TMEM63B: variants seen among roughly 807,000 people sequenced by gnomAD.
TMEM63B encodes transmembrane protein 63B.
In TMEM63B, 23 loss-of-function variants were observed where a neutral mutation model predicts 102.6. The observed-to-expected ratio is 0.22, with a 90% CI of 0.16 to 0.32. The LOEUF (loss-of-function observed/expected upper bound fraction) is 0.32, where lower values mean the gene tolerates loss of function less well. Ranked by LOEUF, TMEM63B falls within the 10% of genes least tolerant of loss-of-function variation. TMEM63B has a pLI of 1.00. For missense variants in TMEM63B, 628 were observed against 1,095.9 expected (o/e 0.57, Z 6.03); for synonymous variants, 444 against 437.0 (o/e 1.02, Z -0.20).
At chr6:44,140,640 G>T (rs1157622234) in intron 9 of TMEM63B, 26 of 586,108 alleles carry the variant, frequency 4.4e-5, no homozygotes, top group Non-Finnish European at 7.7e-5. Context: ...CTGATCCTAG[G>T]ATAGTAATAT....
At position 44,152,078 on chromosome 6, in the gene TMEM63B, C is replaced by T. The variant is rs905594156; in HGVS notation, c.1836+70C>T. 4.6e-6 allele frequency: 7 copies of T among 1,508,584 alleles called. No individual in the cohort carries two copies. Among genetic ancestry groups the T allele is most frequent in the Admixed American group, 4.8e-5 (2 of 41,980 alleles). 93.4% of individuals were successfully genotyped at this position (1,508,584 alleles called of 1,614,324 possible). On this transcript the variant is annotated intron_variant, in intron 19 of 23. Coordinates refer to ENST00000323267, the MANE Select transcript of TMEM63B (RefSeq NM_018426.3). The surrounding 1 kb of genome is among the most constrained non-coding windows in gnomAD (Gnocchi z 6.4). ...TGGCCCAACAAGAAACAGCAGCCAT[C>T]GCGCTAGGGTTGAGGGGCACAGGAG...
At chr6:44,126,983 G>C (rs1562105299), upstream of TMEM63B, 1 of 152,290 alleles carries the variant, frequency 6.6e-6, no homozygotes, top group African/African-American at 2.4e-5. Flanking sequence ...GCGGAAAGCG[G>C]AGAAGCCGGA....
chr6:44,131,200 G>C (rs1324586452), intron 1 of TMEM63B, among the ~76,000 whole-genome samples: 2 of 152,044 alleles, frequency 1.3e-5, no homozygotes, highest in East Asian at 3.9e-4. Context: ...TTACAGGTGT[G>C]AGCCACCGTG....
intron 5 of TMEM63B, among the ~76,000 whole-genome samples, chr6:44,137,078 C>T (rs1306993748): frequency 6.6e-6 from 1 of 152,204 alleles, no homozygotes; most frequent in East Asian, 1.9e-4. Context: ...ATAAGCCCTC[C>T]AGCCCTGCCT....
intron 1 of TMEM63B, among the ~76,000 whole-genome samples, chr6:44,129,800 C>T (rs1777929033): frequency 6.6e-6 from 1 of 152,170 alleles, no homozygotes; most frequent in African/African-American, 2.4e-5. Flanking sequence ...ATAACTAATT[C>T]CTAGAGCCCA....
chr6:44,152,605 G>C lies in TMEM63B; in HGVS notation c.1849G>C (p.Glu617Gln). Reference sequence around the variant, plus strand: ...GTCTCCCCCCCAGCATCAGGCCTACGAGTTCCAGTTTGGCGCAGCCTACGC... The same window carrying C: ...GTCTCCCCCCCAGCATCAGGCCTACCAGTTCCAGTTTGGCGCAGCCTACGC... Reference protein sequence around the residue: ...RRNVKRHQAYEFQFGAAYAWM... With the variant: ...RRNVKRHQAYQFQFGAAYAWM... The change falls in exon 20 of 24, where the codon GAG becomes CAG. Residue 617 changes from glutamate (E) to glutamine (Q), a missense_variant. By Grantham distance (29) the Glu-to-Gln change is conservative. Coordinates refer to ENST00000323267, the MANE Select transcript of TMEM63B (RefSeq NM_018426.3). This position sits in a 1 kb window ranked among gnomAD's most constrained non-coding sequence, Gnocchi z 6.4. The C allele has an allele frequency of 6.2e-7, 1 of 1,608,076 alleles. No homozygotes were observed. Among genetic ancestry groups the C allele is most frequent in the African/African-American group, 1.3e-5 (1 of 74,814 alleles).
Position 44,134,555 on chromosome 6 carries a change from G to A in TMEM63B, c.-24-6G>A, listed in dbSNP as rs1268764502. On this transcript the variant is annotated splice_region_variant and splice_polypyrimidine_tract_variant and intron_variant, in intron 1 of 23. Transcript: ENST00000323267. ...AGCCCAGCTGACTGCTCCACCCTCT[G>A]CCCAGGAGGACCATGCGGCAGTAGC... is the stretch of plus-strand genomic sequence containing the variant. The A allele has an allele frequency of 6.2e-7, 1 of 1,610,696 alleles. No homozygotes were observed. Among genetic ancestry groups the A allele is most frequent in the East Asian group, 2.2e-5 (1 of 44,832 alleles).
chr6:44,152,800 G>T lies in TMEM63B; in HGVS notation c.1942+102G>T, dbSNP rs1582830042. 23 of 986,652 alleles carry T rather than the reference G, an allele frequency of 2.3e-5. No homozygotes were observed. Among genetic ancestry groups the T allele is most frequent in the East Asian group, 2.6e-5 (1 of 38,870 alleles). 61.1% of individuals were successfully genotyped at this position (986,652 alleles called of 1,614,324 possible). On this transcript the variant is annotated intron_variant, in intron 20 of 23. Transcript: ENST00000323267. The surrounding 1 kb of genome is among the most constrained non-coding windows in gnomAD (Gnocchi z 6.4). ...GGCCACCCCGAGTGGACAGGGCCCG[G>T]CTGGGAGACCGGCCCCTCGGGGCTC...
chr6:44,149,695 C>T (rs1766180687), intron 15 of TMEM63B, among the ~76,000 whole-genome samples, 164 bp from the exon 16 acceptor site: 2 of 152,154 alleles, frequency 1.3e-5, no homozygotes. Context: ...TACATATGGC[C>T]CTGGCCCCCA....
At position 44,153,671 on chromosome 6, in the gene TMEM63B, C is replaced by A. The variant is rs1767321467; in HGVS notation, c.1943-5C>A. On this transcript the variant is annotated splice_polypyrimidine_tract_variant and splice_region_variant and intron_variant, in intron 20 of 23. Transcript: ENST00000323267. Reference sequence around the variant, plus strand: ...CGAGGTCAGGGCCCATGTGGCTTCCCTTAGGGCTCATGTACATGCTGCTGA... The same window carrying A: ...CGAGGTCAGGGCCCATGTGGCTTCCATTAGGGCTCATGTACATGCTGCTGA... The A allele has an allele frequency of 6.2e-7, 1 of 1,613,044 alleles. No homozygotes were observed. The highest frequency in any genetic ancestry group is 1.3e-5 in the African/African-American group (1 of 74,928).
intron 23 of TMEM63B, 117 bp downstream of exon 23, chr6:44,154,562 G>C (rs1767622127): frequency 6.7e-7 from 1 of 1,486,410 alleles, no homozygotes; most frequent in African/African-American, 1.4e-5. Context: ...CGGGAAGAGA[G>C]CTGGTCTCCC....
chr6:44,144,878 A>G (rs1228530375), intron 10 of TMEM63B, among the ~76,000 whole-genome samples: 2 of 152,130 alleles, frequency 1.3e-5, no homozygotes, highest in Non-Finnish European at 2.9e-5. Context: ...GATTACAGGC[A>G]TGAGCCACTG....
intron 10 of TMEM63B, among the ~76,000 whole-genome samples, chr6:44,141,965 A>G (rs1282815290): frequency 6.6e-6 from 1 of 151,902 alleles, no homozygotes; most frequent in Non-Finnish European, 1.5e-5. Flanking sequence ...CTACCAAAAA[A>G]TACAAACTTA....
At position 44,148,558 on chromosome 6, in the gene TMEM63B, C is replaced by T; in HGVS notation, c.1167C>T (p.Cys389=). ...FNVCKCQGCT[C]RGEPRPSSCS... Reference sequence around the variant, plus strand: ...TGTGTAAATGCCAGGGCTGCACCTGCCGTGGGGAGCCACGCCCCTCATCCT... The same window carrying T: ...TGTGTAAATGCCAGGGCTGCACCTGTCGTGGGGAGCCACGCCCCTCATCCT... Residue 389 remains cysteine (C), a synonymous_variant, in exon 14 of 24, where the codon TGC becomes TGT. Transcript: ENST00000323267. This position sits in a 1 kb window ranked among gnomAD's most constrained non-coding sequence, Gnocchi z 5.1. 2 of 1,614,240 alleles carry T rather than the reference C, an allele frequency of 1.2e-6. No homozygotes were observed. Among genetic ancestry groups the T allele is most frequent in the Non-Finnish European group, 8.5e-7 (1 of 1,180,032 alleles).
At chr6:44,138,691 T>A in intron 6 of TMEM63B, 174 bp downstream of exon 6, 1 of 591,758 alleles carries the variant, frequency 1.7e-6, no homozygotes, top group Non-Finnish European at 3.0e-6. Context: ...TGCTGTACCC[T>A]GAACACTCAC....
rs773890282 is a variant in TMEM63B, at chr6:44,154,410, C to T, written c.2272C>T (p.Arg758Trp). ...TACTGTGGACCCCAGAAGCAATGGA[C>T]GGCCCCCCACTGCTGCTGCTGTCCC... ...TDTVDPRSNG[R>W]PPTAAAVPKS... is the part of the protein sequence containing the mutation. Residue 758 changes from arginine to tryptophan, a missense_variant, in exon 23 of 24, where the codon CGG becomes TGG. This residue lies in a region of TMEM63B where 129 missense variants were observed against 153.5 expected (regional missense o/e 0.84). Coordinates refer to ENST00000323267, the MANE Select transcript of TMEM63B (RefSeq NM_018426.3). The T allele has an allele frequency of 2.8e-5, 45 of 1,614,052 alleles. No homozygotes were observed. The highest frequency in any genetic ancestry group is 3.5e-5 in the Non-Finnish European group (41 of 1,179,966).
chr6:44,140,474 C>T (rs1220894526), intron 9 of TMEM63B, 114 bp downstream of exon 9: 5 of 814,544 alleles, frequency 6.1e-6, no homozygotes, highest in African/African-American at 5.1e-5. Flanking sequence ...AATGCTGGCA[C>T]AGCAGCTCAG....
chr6:44,132,490 G>T (rs1161470884), intron 1 of TMEM63B, among the ~76,000 whole-genome samples: 2 of 152,202 alleles, frequency 1.3e-5, no homozygotes, highest in African/African-American at 2.4e-5. Flanking sequence ...CAAGGGGTGG[G>T]AATAGAGTGT....
intron 18 of TMEM63B, among the ~76,000 whole-genome samples, chr6:44,151,411 G>A (rs191539174): frequency 4.5e-4 from 68 of 152,094 alleles, no homozygotes; most frequent in Non-Finnish European, 6.6e-4. Flanking sequence ...GAGATGTTGC[G>A]GGAAGGGTCT....
Sources: gnomAD v4.1 joint callset for allele counts (sites outside exome capture counted in the v4.1 genomes callset) on GRCh38, gnomAD v4.1.1 for gene constraint, gnomAD v4.1.1 regional missense constraint, Gnocchi (gnomAD v3.1) non-coding constraint, MANE v1.5 for transcripts, NCBI Gene and HGNC (gene_info 2026-07-23, HGNC 2026-07-21) for gene names.